The following TXNL4A variants were observed in gnomAD, a reference collection of about 807,000 sequenced individuals.
TXNL4A encodes thioredoxin-like protein 4A.
In TXNL4A, 17 loss-of-function variants were observed where a neutral mutation model predicts 14.6. The ratio of observed to expected loss-of-function variants is 1.16; its 90% CI spans 0.80 to 1.74. The LOEUF (loss-of-function observed/expected upper bound fraction) is 1.74. Among genes scored for constraint, TXNL4A ranks in the 40% most tolerant of loss-of-function variants. The pLI is 0.00. For missense variants in TXNL4A, 74 were observed against 195.2 expected, an observed-to-expected ratio of 0.38 and a Z score of 3.70; for synonymous variants, 83 against 70.6, an observed-to-expected ratio of 1.18 and a Z score of -0.88.
intron 1 of TXNL4A, among the ~76,000 whole-genome samples, chr18:80,010,321 C>T (rs1471949985): frequency 5.3e-5 from 8 of 151,936 alleles, no homozygotes; most frequent in African/African-American, 1.7e-4. Flanking sequence ...AGGCTGTCTT[C>T]GAGAACACGT....
chr18:79,977,545 A>C (rs1171332235), intron 2 of TXNL4A, 53 bp downstream of exon 2: 1 of 1,389,970 alleles, frequency 7.2e-7, no homozygotes, highest in East Asian at 2.3e-5. Context: ...TGATTACATT[A>C]AGCTTCCAAA....
At chr18:79,974,101 A>T (rs1323262912) in intron 2 of TXNL4A, among the ~76,000 whole-genome samples, 5 of 152,162 alleles carry the variant, frequency 3.3e-5, no homozygotes, top group Non-Finnish European at 7.3e-5. Flanking sequence ...TAGGACAGTT[A>T]TTCTAAGGGG....
At chr18:79,986,705 C>A in intron 1 of TXNL4A, 4 of 985,496 alleles carry the variant, frequency 4.1e-6, no homozygotes, top group Non-Finnish European at 4.8e-6. Flanking sequence ...TAGCCTCGAG[C>A]TGCCGGCAGC....
At chr18:79,997,454 G>C (rs112944072) in intron 1 of TXNL4A, among the ~76,000 whole-genome samples, 3 of 133,580 alleles carry the variant, frequency 2.2e-5, no homozygotes, top group Non-Finnish European at 4.9e-5. Flanking sequence ...CAATAAATAT[G>C]GCAATACCCA....
intron 1 of TXNL4A, among the ~76,000 whole-genome samples, chr18:80,016,153 ATGTCTTCTTTTGAGAAG>A (rs2051807816): frequency 6.6e-6 from 1 of 150,730 alleles, no homozygotes; most frequent in Non-Finnish European, 1.5e-5. Context: ...GGCTGCATAA[ATGTCTTCTTTTGAGAAG>A]TGTCTGTTCA....
At chr18:80,009,260 A>C (rs2051753704) in intron 1 of TXNL4A, among the ~76,000 whole-genome samples, 2 of 152,356 alleles carry the variant, frequency 1.3e-5, no homozygotes, top group South Asian at 4.1e-4. Flanking sequence ...ATGGAATGGC[A>C]GGAGGAAAGT....
intron 1 of TXNL4A, among the ~76,000 whole-genome samples, chr18:80,024,239 T>C (rs913357139): frequency 1.3e-5 from 2 of 152,012 alleles, no homozygotes; most frequent in African/African-American, 2.4e-5. Context: ...GCTTCCATCA[T>C]GGAAGGTGAG....
intron 1 of TXNL4A, among the ~76,000 whole-genome samples, chr18:80,012,912 G>A (rs908924696): frequency 4.6e-5 from 7 of 151,576 alleles, no homozygotes; most frequent in Admixed American, 6.6e-5. Context: ...AAAGGCGGCC[G>A]GCCGCCCCCT....
chr18:79,984,261 C>T (rs1340491973), intron 1 of TXNL4A, among the ~76,000 whole-genome samples: 2 of 152,146 alleles, frequency 1.3e-5, no homozygotes, highest in East Asian at 3.8e-4. Flanking sequence ...CTATGAAGTT[C>T]CATAAATATA....
chr18:80,002,571 T>C (rs1209546324), intron 1 of TXNL4A, among the ~76,000 whole-genome samples: 2 of 152,246 alleles, frequency 1.3e-5, no homozygotes, highest in Admixed American at 6.5e-5. Context: ...TACTCAGCCA[T>C]TAATTTTGCA....
At position 79,979,538 on chromosome 18, in the gene TXNL4A, G is replaced by A. The variant is rs376313320; in HGVS notation, c.154-1837C>T. 19 of 152,772 alleles carry A rather than the reference G, an allele frequency of 1.2e-4. No individual in the cohort carries two copies. The South Asian group carries it at 2.5e-3, about 20-fold the overall frequency. 9.5% of individuals were successfully genotyped at this position (152,772 alleles called of 1,614,324 possible). On this transcript the variant is annotated intron_variant, in intron 1 of 2. Transcript: ENST00000269601. ...GTGACACTCCGCCCCAGCTTTCACC[G>A]TGCGACGTGCCTGTTCCCCTTTGCC...
In TXNL4A at chr18:79,973,863, C is replaced by T. The variant is rs375755071; in HGVS notation, c.258-7G>A. On this transcript the variant is annotated splice_region_variant and splice_polypyrimidine_tract_variant and intron_variant, in intron 2 of 2. Transcript: ENST00000269601. The stretch of plus-strand genomic sequence containing the variant: ...AATCATGATGTGCTTGTTCCTGCAA[C>T]GAGAAACAAGGGCATCCATTCTCAT... 24 of 1,612,300 alleles carry T rather than the reference C, an allele frequency of 1.5e-5. No homozygotes were observed. The highest frequency in any genetic ancestry group is 9.4e-5 in the African/African-American group (7 of 74,800).
At chr18:80,027,736 A>G (rs2051894360) in intron 1 of TXNL4A, among the ~76,000 whole-genome samples, 1 of 152,176 alleles carries the variant, frequency 6.6e-6, no homozygotes, top group Admixed American at 6.5e-5. Flanking sequence ...TATTTACTCA[A>G]ACAGCCACCA....
At chr18:80,020,716 G>A (rs1340268094) in intron 1 of TXNL4A, among the ~76,000 whole-genome samples, 2 of 152,150 alleles carry the variant, frequency 1.3e-5, no homozygotes, top group Non-Finnish European at 2.9e-5. Flanking sequence ...GTTTATAGCT[G>A]ATTGAGTTTA....
intron 2 of TXNL4A, 131 bp from the exon 3 acceptor site, chr18:79,973,987 A>C: frequency 8.1e-7 from 1 of 1,234,250 alleles, no homozygotes; most frequent in South Asian, 1.5e-5. Flanking sequence ...TAAAATCGAG[A>C]GTGTATGCCA....
At chr18:80,012,262 T>C (rs971355650) in intron 1 of TXNL4A, among the ~76,000 whole-genome samples, 1 of 152,240 alleles carries the variant, frequency 6.6e-6, no homozygotes, top group Non-Finnish European at 1.5e-5. Flanking sequence ...AGGATTCTTG[T>C]GTGCATGTCC....
rs116955967 is a variant in TXNL4A, at chr18:80,002,797, C to T, written c.-60-25096G>A. On this transcript the variant is annotated intron_variant, in intron 1 of 2. Transcript: ENST00000585474. ...GACCTCTGTCCTAAGTGTGAGCTTT[C>T]GCTTTGCAATCAAAGCTCCTGGCTT... 5.5e-3 allele frequency among the ~76,000 whole-genome samples: 837 copies of T among 152,368 alleles called. 4 individuals carry two copies. The highest frequency in any genetic ancestry group is 7.6e-3 in the Non-Finnish European group (514 of 68,038).
chr18:80,030,248 T>G (rs923536276), intron 1 of TXNL4A, among the ~76,000 whole-genome samples: 1 of 152,196 alleles, frequency 6.6e-6, no homozygotes, highest in African/African-American at 2.4e-5. Context: ...CACAAAGAAA[T>G]GCCTATGTTT....
intron 1 of TXNL4A, among the ~76,000 whole-genome samples, chr18:80,031,990 T>C (rs748066050): frequency 6.6e-6 from 1 of 152,216 alleles, no homozygotes; most frequent in Non-Finnish European, 1.5e-5. Flanking sequence ...AATAAGTCCA[T>C]GTGTAACTGA....
Sources: gnomAD v4.1 joint callset for allele counts (sites outside exome capture counted in the v4.1 genomes callset) on GRCh38, gnomAD v4.1.1 for gene constraint, MANE v1.5 for transcripts, NCBI Gene and HGNC (gene_info 2026-07-23, HGNC 2026-07-21) for gene names.